The following ENOX1 variants were observed in gnomAD, a reference collection of about 807,000 sequenced individuals.
The protein encoded by ENOX1 is ecto-NOX disulfide-thiol exchanger 1, also known as candidate growth-related and time keeping constitutive hydroquinone (NADH) oxidase.
In ENOX1, 42 loss-of-function variants were observed where a neutral mutation model predicts 82.5. The ratio of observed to expected loss-of-function variants is 0.51; its 90% confidence interval spans 0.40 to 0.66. The LOEUF (loss-of-function observed/expected upper bound fraction) is 0.66. Ranked by LOEUF, ENOX1 falls within the 30% of genes least tolerant of loss-of-function variation. The pLI, the probability that ENOX1 is intolerant of heterozygous loss-of-function variation, is 0.00. For missense variants in ENOX1, 608 were observed against 811.6 expected, an observed-to-expected ratio of 0.75 and a Z score of 3.05; for synonymous variants, 271 against 282.2, an observed-to-expected ratio of 0.96 and a Z score of 0.40.
intron 3 of ENOX1, among the ~76,000 whole-genome samples, chr13:43,481,669 T>A (rs890211127): frequency 6.6e-6 from 1 of 152,022 alleles, no homozygotes; most frequent in Non-Finnish European, 1.5e-5. Flanking sequence ...TAGAATTATA[T>A]CAAATTAAAA....
intron 1 of ENOX1, among the ~76,000 whole-genome samples, chr13:43,693,970 T>C (rs541922531): frequency 2.0e-5 from 3 of 152,172 alleles, no homozygotes; most frequent in South Asian, 2.1e-4. Flanking sequence ...TAGGACTTGG[T>C]GACTGGTCTT....
rs180761749 is a variant in ENOX1, at chr13:43,583,798, C to G, written c.-219+83681G>C. The stretch of plus-strand genomic sequence containing the variant: ...TACAGATATTTGTGTAAAGGCTCTA[C>G]ATCTCCTATCAGATATAAACTTTTC... On this transcript the variant is annotated intron_variant, in intron 2 of 16. Transcript: ENST00000690772. Among the ~76,000 whole-genome samples, 10 of 151,242 alleles carry G rather than the reference C, an allele frequency of 6.6e-5. No individual in the cohort carries two copies. The East Asian group carries it at 1.7e-3, about 26-fold the overall frequency.
At chr13:43,550,112 T>C (rs2153699066) in intron 2 of ENOX1, among the ~76,000 whole-genome samples, 1 of 152,272 alleles carries the variant, frequency 6.6e-6, no homozygotes, top group African/African-American at 2.4e-5. Flanking sequence ...ATCTAATGCC[T>C]TCGGTGATCT....
chr13:43,611,433 A>G (rs1328156735), intron 2 of ENOX1, among the ~76,000 whole-genome samples: 1 of 152,184 alleles, frequency 6.6e-6, no homozygotes, highest in Non-Finnish European at 1.5e-5. Context: ...TGCATCCGTC[A>G]TTTTGGATTT....
At position 43,224,095 on chromosome 13, in the gene ENOX1, G is replaced by A. The variant is rs1292703043; in HGVS notation, c.1758C>T (p.Asn586=). ...TFLHVHPFGA[N]IEYLWSYMQQ... is the part of the protein sequence containing the mutation. ...GCATGTATGACCAAAGATATTCTAT[G>A]TTGGCTCCAAAAGGATGGACGTGAA... The change falls in exon 16 of 17, where the codon AAC becomes AAT. Residue 586 remains asparagine (N), a synonymous_variant. Transcript: ENST00000690772. The A allele has an allele frequency of 1.9e-6, 3 of 1,613,932 alleles. No homozygotes were observed. Among genetic ancestry groups the A allele is most frequent in the African/African-American group, 1.3e-5 (1 of 74,942 alleles).
At position 43,320,762 on chromosome 13, in the gene ENOX1, G is replaced by A. The variant is rs191390084; in HGVS notation, c.1261+1622C>T. Among the ~76,000 whole-genome samples the A allele has an allele frequency of 1.4e-3, 217 of 152,044 alleles. 1 individual carries two copies. The highest frequency in any genetic ancestry group is 2.7e-3 in the Non-Finnish European group (181 of 68,036). On this transcript the variant is annotated intron_variant, in intron 11 of 16. Coordinates refer to ENST00000690772, the MANE Select transcript of ENOX1 (RefSeq NM_001347969.2). ...AGGATATTAAGAATCCAAGTTTCAT[G>A]TCAACTTGCCTCTCATCCAGAAGCT...
chr13:43,765,743 C>G lies in ENOX1; in HGVS notation c.-285+20909G>C, dbSNP rs534277335. On this transcript the variant is annotated intron_variant, in intron 1 of 16. Coordinates refer to ENST00000690772, the MANE Select transcript of ENOX1 (RefSeq NM_001347969.2). ...CTTCACCAACTTTCAATTTCATCACCTTTATAACTCGGAAAATAATCATTA... is the reference window on the plus strand; with the variant it reads ...CTTCACCAACTTTCAATTTCATCACGTTTATAACTCGGAAAATAATCATTA... Among the ~76,000 whole-genome samples, 9 of 152,228 alleles carry G rather than the reference C, an allele frequency of 5.9e-5. No homozygotes were observed. The South Asian group carries it at 1.9e-3, about 32-fold the overall frequency.
chr13:43,435,073 G>A (rs73471842), intron 3 of ENOX1, among the ~76,000 whole-genome samples: 2,398 of 150,980 alleles, frequency 0.016, 70 homozygotes, highest in African/African-American at 0.055. Flanking sequence ...CGCAGAAGAC[G>A]GACTTGACAT....
intron 3 of ENOX1, among the ~76,000 whole-genome samples, chr13:43,414,493 G>A (rs2153600470): frequency 6.6e-6 from 1 of 152,332 alleles, no homozygotes; most frequent in South Asian, 2.1e-4. Flanking sequence ...GGTGCCATCA[G>A]ACAAAGAGAT....
intron 1 of ENOX1, among the ~76,000 whole-genome samples, chr13:43,674,413 A>G (rs1473310253): frequency 6.6e-6 from 1 of 152,208 alleles, no homozygotes; most frequent in Non-Finnish European, 1.5e-5. Context: ...CTACAGCAAA[A>G]TCCTCAAGGT....
In ENOX1 at chr13:43,740,769, T is replaced by C. The variant is rs138215041; in HGVS notation, c.-285+45883A>G. Reference sequence around the variant, plus strand: ...ATGTGGTCTTTTATGTCTGGATTCTTACACTTCACATGTTTTTAAGGTTCA... The same window carrying C: ...ATGTGGTCTTTTATGTCTGGATTCTCACACTTCACATGTTTTTAAGGTTCA... On this transcript the variant is annotated intron_variant, in intron 1 of 16. Coordinates refer to ENST00000690772, the MANE Select transcript of ENOX1 (RefSeq NM_001347969.2). Among the ~76,000 whole-genome samples, 332 of 152,324 alleles carry C rather than the reference T, an allele frequency of 2.2e-3. 5 individuals carry two copies. The highest frequency in any genetic ancestry group is 2.4e-4 in the Non-Finnish European group (16 of 68,016).
chr13:43,718,676 CAAAAAAAAAAAAAAAAA>C (rs61671392), intron 1 of ENOX1, among the ~76,000 whole-genome samples: 4 of 55,586 alleles, frequency 7.2e-5, no homozygotes, highest in Non-Finnish European at 9.4e-5. Context: ...GACTCCGTCT[CAAAAAAAAAAAAAAAAA>C]AAAAAAAAAA....
chr13:43,224,217 G>A, intron 15 of ENOX1, 79 bp from the exon 16 acceptor site: 3 of 1,151,016 alleles, frequency 2.6e-6, no homozygotes, highest in Non-Finnish European at 3.9e-6. Context: ...TCTAATCCCA[G>A]TGACTATTTT....
At chr13:43,406,041 A>G (rs2053773870) in intron 5 of ENOX1, among the ~76,000 whole-genome samples, 1 of 152,242 alleles carries the variant, frequency 6.6e-6, no homozygotes, top group Admixed American at 6.5e-5. Flanking sequence ...TGGCTCAATA[A>G]ATCTCAGTTA....
At chr13:43,646,584 T>C (rs1326661991) in intron 2 of ENOX1, among the ~76,000 whole-genome samples, 1 of 152,226 alleles carries the variant, frequency 6.6e-6, no homozygotes, top group African/African-American at 2.4e-5. Context: ...AATCGTCATC[T>C]GTACACCAAA....
At chr13:43,727,968 C>G (rs1278732276) in intron 1 of ENOX1, among the ~76,000 whole-genome samples, 1 of 152,104 alleles carries the variant, frequency 6.6e-6, no homozygotes, top group Admixed American at 6.5e-5. Context: ...AAAAGCTTCC[C>G]CAACGCTATT....
intron 5 of ENOX1, among the ~76,000 whole-genome samples, chr13:43,367,930 C>T (rs2050957994): frequency 6.6e-6 from 1 of 152,152 alleles, no homozygotes; most frequent in African/African-American, 2.4e-5. Context: ...ATGTTCAAAA[C>T]CAGTCTCCTG....
intron 1 of ENOX1, among the ~76,000 whole-genome samples, chr13:43,690,258 TAAA>T (rs5803202): frequency 0.012 from 1,651 of 139,400 alleles, 33 homozygotes; most frequent in East Asian, 0.037. Flanking sequence ...ATAAATAAGT[TAAA>T]AAAAAAAAAA....
intron 3 of ENOX1, among the ~76,000 whole-genome samples, chr13:43,422,385 T>C (rs1313321346): frequency 6.6e-6 from 1 of 152,096 alleles, no homozygotes; most frequent in Admixed American, 6.6e-5. Flanking sequence ...GAAGTGAAAT[T>C]GTTGGAAGAA....
Sources: gnomAD v4.1 joint callset for allele counts (sites outside exome capture counted in the v4.1 genomes callset) on GRCh38, gnomAD v4.1.1 for gene constraint, MANE v1.5 for transcripts, NCBI Gene and HGNC (gene_info 2026-07-23, HGNC 2026-07-21) for gene names.